TBC1D22A: variants seen among roughly 807,000 people sequenced by gnomAD.
TBC1D22A encodes TBC1 domain family member 22A.
TBC1D22A carries 38 observed loss-of-function variants against 60.2 expected under a neutral mutation model. That is an observed-to-expected ratio of 0.63 (90% CI 0.49 to 0.83). TBC1D22A has a LOEUF of 0.83. Among genes scored for constraint, TBC1D22A ranks in the 40% least tolerant of loss-of-function variants. The pLI is 0.00. For missense variants in TBC1D22A, 628 were observed against 701.0 expected (o/e 0.90, Z 1.18); for synonymous variants, 302 against 281.7 (o/e 1.07, Z -0.72).
At chr22:47,080,844 C>T (rs746392798) in intron 11 of TBC1D22A, among the ~76,000 whole-genome samples, 32 of 151,962 alleles carry the variant, frequency 2.1e-4, no homozygotes, top group Non-Finnish European at 3.7e-4. Context: ...ACATCTTGGC[C>T]GGGCATGGTG....
intron 8 of TBC1D22A, among the ~76,000 whole-genome samples, chr22:46,968,603 C>T (rs565593760): frequency 6.6e-6 from 1 of 151,324 alleles, no homozygotes; most frequent in African/African-American, 2.4e-5. Flanking sequence ...GGGCGGGCGT[C>T]CTCACTGCGT....
At chr22:47,037,891 T>C (rs1342427118) in intron 11 of TBC1D22A, among the ~76,000 whole-genome samples, 3 of 152,214 alleles carry the variant, frequency 2.0e-5, no homozygotes, top group Admixed American at 6.5e-5. Flanking sequence ...ACACCTTGTC[T>C]ATATTTTGAG....
intron 11 of TBC1D22A, among the ~76,000 whole-genome samples, chr22:47,099,744 C>T (rs2065334603): frequency 6.6e-6 from 1 of 152,244 alleles, no homozygotes; most frequent in Non-Finnish European, 1.5e-5. Flanking sequence ...CGCACCTGGC[C>T]TCGTCCCTGC....
At chr22:47,083,093 G>A (rs769370397) in intron 11 of TBC1D22A, among the ~76,000 whole-genome samples, 3 of 152,132 alleles carry the variant, frequency 2.0e-5, no homozygotes, top group African/African-American at 4.8e-5. Flanking sequence ...TTTCACTTAC[G>A]CTAAGTTCTA....
At chr22:46,915,212 T>G (rs1389332580) in intron 8 of TBC1D22A, 2 of 357,000 alleles carry the variant, frequency 5.6e-6, no homozygotes, top group Non-Finnish European at 1.1e-5. Flanking sequence ...TGGATGAGAT[T>G]GGAGGGTTTC....
intron 4 of TBC1D22A, among the ~76,000 whole-genome samples, chr22:46,869,228 T>C (rs2067196495): frequency 6.6e-6 from 1 of 152,254 alleles, no homozygotes; most frequent in Non-Finnish European, 1.5e-5. Context: ...AAGATGGCTC[T>C]CCAGCAGCAG....
intron 12 of TBC1D22A, among the ~76,000 whole-genome samples, chr22:47,126,825 C>T (rs974731822): frequency 6.6e-6 from 1 of 152,130 alleles, no homozygotes; most frequent in Admixed American, 6.5e-5. Context: ...GAAGGGTGGG[C>T]GGGACTGTGA....
At chr22:47,132,913 C>A (rs116003370) in intron 12 of TBC1D22A, among the ~76,000 whole-genome samples, 1,805 of 152,104 alleles carry the variant, frequency 0.012, 30 homozygotes, top group African/African-American at 0.041. Flanking sequence ...CCTTGAACTC[C>A]CTGGGGTGGA....
chr22:47,004,297 A>G (rs1274888763), intron 10 of TBC1D22A, among the ~76,000 whole-genome samples: 2 of 144,636 alleles, frequency 1.4e-5, no homozygotes, highest in Non-Finnish European at 3.0e-5. Context: ...CACAATCCTC[A>G]TACATACACA....
At chr22:46,850,335 TGTGC>T (rs1325491165) in intron 4 of TBC1D22A, among the ~76,000 whole-genome samples, 2 of 152,204 alleles carry the variant, frequency 1.3e-5, no homozygotes, top group African/African-American at 4.8e-5. Context: ...GCTGTGTGTG[TGTGC>T]GTGTGCGCAT....
At chr22:46,998,885 G>A (rs573147519) in intron 10 of TBC1D22A, among the ~76,000 whole-genome samples, 7 of 152,338 alleles carry the variant, frequency 4.6e-5, no homozygotes, top group Non-Finnish European at 8.8e-5. Flanking sequence ...TGCGCTCACC[G>A]CACGCTCCAC....
At chr22:46,864,873 C>T (rs764400772) in intron 4 of TBC1D22A, among the ~76,000 whole-genome samples, 30 of 152,148 alleles carry the variant, frequency 2.0e-4, no homozygotes, top group African/African-American at 5.6e-4. Flanking sequence ...AGTGCAGTGG[C>T]GTGATCGACC....
chr22:47,018,729 G>A (rs1294535232), intron 10 of TBC1D22A, among the ~76,000 whole-genome samples: 2 of 152,148 alleles, frequency 1.3e-5, no homozygotes, highest in Non-Finnish European at 2.9e-5. Context: ...CTGCTCACCG[G>A]TCGTCATCGC....
chr22:46,910,245 G>C (rs981311936), intron 7 of TBC1D22A, among the ~76,000 whole-genome samples: 3 of 152,154 alleles, frequency 2.0e-5, no homozygotes, highest in Admixed American at 6.5e-5. Flanking sequence ...GCTAGCGTGG[G>C]GTGGCGGGGG....
chr22:46,787,614 C>T (rs2084215569), intron 1 of TBC1D22A, among the ~76,000 whole-genome samples: 1 of 152,168 alleles, frequency 6.6e-6, no homozygotes, highest in Non-Finnish European at 1.5e-5. Context: ...TGCAAAGGTA[C>T]ATATGTATGA....
rs187467111 is a variant in TBC1D22A at position 47,019,928 on chromosome 22, A to G, written c.1202-17143A>G. 5.3e-4 allele frequency among the ~76,000 whole-genome samples: 77 copies of G among 145,612 alleles called. 1 individual carries two copies. In the East Asian group the frequency reaches 6.6e-3, roughly 13 times the overall value. On this transcript the variant is annotated intron_variant, in intron 10 of 12. Transcript: ENST00000337137. The stretch of plus-strand genomic sequence containing the variant: ...AACTCTCCATCCTCCCCTCTCCCTT[A>G]ACCCTCCATCATGCCCTCTCCCTTA...
At chr22:46,796,466 C>A (rs533788777) in intron 3 of TBC1D22A, among the ~76,000 whole-genome samples, 10 of 152,290 alleles carry the variant, frequency 6.6e-5, no homozygotes, top group African/African-American at 2.2e-4. Context: ...GCTCCATTTC[C>A]TGGAGTTTAT....
chr22:46,920,233 C>T (rs1013103082), intron 8 of TBC1D22A, among the ~76,000 whole-genome samples: 1 of 152,126 alleles, frequency 6.6e-6, no homozygotes, highest in Non-Finnish European at 1.5e-5. Context: ...GCATGCACCA[C>T]CACGCCTGAC....
chr22:47,009,615 T>C lies in TBC1D22A; in HGVS notation c.1201+11906T>C, dbSNP rs983705080. On this transcript the variant is annotated intron_variant, in intron 10 of 12. Transcript: ENST00000337137. The surrounding 1 kb of genome is among the most constrained non-coding windows in gnomAD (Gnocchi z 5.8). ...ATCATTCTGTCATCACCATCATCAT[T>C]ACTATCACCATCATTTCATCACCGT... 6.6e-6 allele frequency among the ~76,000 whole-genome samples: 1 copy of C among 151,190 alleles called. No individual in the cohort carries two copies. Among genetic ancestry groups the C allele is most frequent in the African/African-American group, 2.4e-5 (1 of 40,996 alleles).
Sources: gnomAD v4.1 joint callset for allele counts (sites outside exome capture counted in the v4.1 genomes callset) on GRCh38, gnomAD v4.1.1 for gene constraint, Gnocchi (gnomAD v3.1) non-coding constraint, MANE v1.5 for transcripts, NCBI Gene and HGNC (gene_info 2026-07-23, HGNC 2026-07-21) for gene names.